Variants in ABTB2 observed in about 807,000 individuals in gnomAD.
ABTB2 encodes ankyrin repeat and BTB/POZ domain-containing protein 2.
A neutral mutation model predicts 104.1 loss-of-function variants in ABTB2; 56 were observed. That is an observed-to-expected ratio of 0.54 (90% CI 0.43 to 0.67). The LOEUF is 0.67. Ranked by LOEUF, ABTB2 falls within the 30% of genes least tolerant of loss-of-function variation. ABTB2 has a pLI of 0.00. For synonymous variants in ABTB2, 606 were observed against 608.2 expected (o/e 1.00, Z 0.05); for missense variants, 1,279 against 1,407.7 (o/e 0.91, Z 1.46).
At chr11:34,306,184 G>A (rs931999111) in intron 1 of ABTB2, among the ~76,000 whole-genome samples, 7 of 151,704 alleles carry the variant, frequency 4.6e-5, no homozygotes, top group Admixed American at 2.6e-4. Context: ...GACCCAACAG[G>A]GGAGGACAAA....
intron 1 of ABTB2, among the ~76,000 whole-genome samples, chr11:34,313,506 C>T (rs376020346): frequency 2.6e-5 from 4 of 152,232 alleles, no homozygotes; most frequent in South Asian, 2.1e-4. Context: ...CCAGGCTCCC[C>T]GGAGAAGCAG....
At chr11:34,275,300 C>G (rs112125290) in intron 1 of ABTB2, among the ~76,000 whole-genome samples, 338 of 152,294 alleles carry the variant, frequency 2.2e-3, no homozygotes, top group African/African-American at 7.9e-3. Context: ...TTCTCCTCCC[C>G]TCCTGGAATG....
chr11:34,244,575 T>C (rs1853961352), intron 1 of ABTB2, among the ~76,000 whole-genome samples: 1 of 152,190 alleles, frequency 6.6e-6, no homozygotes, highest in Admixed American at 6.5e-5. Flanking sequence ...CATTTACTCT[T>C]CCCCATGGTG....
At chr11:34,153,132 C>G (rs1421911570) in intron 16 of ABTB2, among the ~76,000 whole-genome samples, 2 of 152,042 alleles carry the variant, frequency 1.3e-5, no homozygotes, top group Non-Finnish European at 2.9e-5. Context: ...CCAGGGGAGG[C>G]CTGGGGACAC....
intron 1 of ABTB2, among the ~76,000 whole-genome samples, chr11:34,300,558 G>A (rs952448207): frequency 6.6e-6 from 1 of 152,222 alleles, no homozygotes; most frequent in Admixed American, 6.5e-5. Context: ...CATGGCAAGA[G>A]CTAAAATAGT....
At chr11:34,218,213 G>A (rs1448840364) in intron 1 of ABTB2, among the ~76,000 whole-genome samples, 2 of 152,140 alleles carry the variant, frequency 1.3e-5, no homozygotes, top group East Asian at 3.8e-4. Flanking sequence ...TGAATCTTTT[G>A]CTGCAAATAT....
At chr11:34,227,204 G>A (rs752944940) in intron 1 of ABTB2, among the ~76,000 whole-genome samples, 1 of 151,630 alleles carries the variant, frequency 6.6e-6, no homozygotes, top group Admixed American at 6.6e-5. Flanking sequence ...AACCCAGGAG[G>A]CGTAGGTTGC....
chr11:34,322,771 A>G (rs1244709389), intron 1 of ABTB2, among the ~76,000 whole-genome samples: 2 of 152,084 alleles, frequency 1.3e-5, no homozygotes, highest in African/African-American at 2.4e-5. Context: ...TCCTGGGCTC[A>G]AGTGATCCTC....
intron 1 of ABTB2, among the ~76,000 whole-genome samples, chr11:34,302,458 A>T (rs528633469): frequency 6.6e-6 from 1 of 152,342 alleles, no homozygotes; most frequent in East Asian, 1.9e-4. Context: ...GAAACTTGAG[A>T]GCAGGAATTC....
At chr11:34,307,220 C>T (rs1163953150) in intron 1 of ABTB2, among the ~76,000 whole-genome samples, 1 of 152,096 alleles carries the variant, frequency 6.6e-6, no homozygotes, top group Admixed American at 6.5e-5. Flanking sequence ...CAACAGCAAC[C>T]AATGCTCCTA....
At chr11:34,335,672 G>A in intron 1 of ABTB2, 5 of 1,409,336 alleles carry the variant, frequency 3.5e-6, no homozygotes, top group Non-Finnish European at 5.0e-6. Flanking sequence ...ACAAACTTGT[G>A]TCTTTCACTT....
chr11:34,202,097 G>T (rs1480507021), intron 2 of ABTB2, among the ~76,000 whole-genome samples: 1 of 152,216 alleles, frequency 6.6e-6, no homozygotes, highest in African/African-American at 2.4e-5. Context: ...GACTCTTCTA[G>T]TCAGAGGAGA....
At chr11:34,237,137 G>A (rs1853854508) in intron 1 of ABTB2, among the ~76,000 whole-genome samples, 1 of 152,076 alleles carries the variant, frequency 6.6e-6, no homozygotes, top group African/African-American at 2.4e-5. Flanking sequence ...CTGTAAAATG[G>A]AGCCCACAGT....
chr11:34,317,850 C>T (rs571440372), intron 1 of ABTB2, among the ~76,000 whole-genome samples: 2 of 151,808 alleles, frequency 1.3e-5, no homozygotes, highest in Admixed American at 6.6e-5. Context: ...GGGTATTACA[C>T]ACATAATGGT....
intron 12 of ABTB2, 67 bp from the exon 13 acceptor site, chr11:34,160,075 C>A: frequency 7.1e-7 from 1 of 1,401,258 alleles, no homozygotes; most frequent in South Asian, 1.2e-5. Flanking sequence ...CTTGAGTGTG[C>A]TGTGAGGTGC....
At chr11:34,241,268 C>T (rs1033455764) in intron 1 of ABTB2, among the ~76,000 whole-genome samples, 4 of 152,166 alleles carry the variant, frequency 2.6e-5, no homozygotes, top group African/African-American at 9.7e-5. Context: ...AATATCACTG[C>T]TCCCAAGGCC....
intron 14 of ABTB2, among the ~76,000 whole-genome samples, chr11:34,157,288 G>A (rs369994445): frequency 1.3e-4 from 20 of 152,246 alleles, no homozygotes; most frequent in African/African-American, 4.1e-4. Context: ...TAGAACAGTC[G>A]GCCAGAACTT....
At chr11:34,229,122 A>G (rs1270908432) in intron 1 of ABTB2, among the ~76,000 whole-genome samples, 11 of 23,862 alleles carry the variant, frequency 4.6e-4, no homozygotes, top group Non-Finnish European at 8.2e-4. Flanking sequence ...TCCGTCTTGG[A>G]AAAAAAAAAA....
intron 1 of ABTB2, among the ~76,000 whole-genome samples, chr11:34,207,617 C>A (rs761384399): frequency 1.4e-4 from 22 of 152,140 alleles, no homozygotes; most frequent in Non-Finnish European, 1.0e-4. Context: ...CACTTACATG[C>A]GTTATCTAAC....
Sources: allele counts gnomAD v4.1 joint callset (sites outside exome capture counted in the v4.1 genomes callset), GRCh38; gene constraint gnomAD v4.1.1; transcripts MANE v1.5; gene names NCBI Gene and HGNC (gene_info 2026-07-23, HGNC 2026-07-21).